The following WDFY4 variants were observed in gnomAD, a reference collection of about 807,000 sequenced individuals.
WDFY4 encodes WDFY family member 4.
WDFY4 carries 169 observed loss-of-function variants against 351.9 expected under a neutral mutation model. The observed-to-expected ratio is 0.48, with a 90% CI of 0.42 to 0.55. The LOEUF is 0.55. Among genes scored for constraint, WDFY4 ranks in the 20% least tolerant of loss-of-function variants. WDFY4 has a pLI of 0.00. For missense variants in WDFY4, 3,803 were observed against 3,935.6 expected (o/e 0.97, Z 0.90); for synonymous variants, 1,622 against 1,574.6 (o/e 1.03, Z -0.71).
intron 47 of WDFY4, chr10:48,909,564 G>A (rs1192981040): frequency 1.3e-5 from 2 of 152,142 alleles, no homozygotes; most frequent in African/African-American, 4.8e-5. Flanking sequence ...TGAGGGCTTT[G>A]GGGTATAGGT....
At chr10:48,720,899 A>G (rs1421973885) in intron 3 of WDFY4, among the ~76,000 whole-genome samples, 1 of 152,190 alleles carries the variant, frequency 6.6e-6, no homozygotes, top group Non-Finnish European at 1.5e-5. Flanking sequence ...ATTGCTCAGC[A>G]TGGTGTAGAT....
At chr10:48,916,869 ATATGTGTG>A (rs1564483306) in intron 47 of WDFY4, among the ~76,000 whole-genome samples, 2 of 102,958 alleles carry the variant, frequency 1.9e-5, no homozygotes, top group Non-Finnish European at 4.0e-5. Context: ...TGCTTTAAAA[ATATGTGTG>A]TGTGTGTGTG....
chr10:48,951,021 C>G (rs1322257895), intron 51 of WDFY4, among the ~76,000 whole-genome samples: 9 of 152,234 alleles, frequency 5.9e-5, no homozygotes, highest in Admixed American at 5.9e-4. Flanking sequence ...GGCCCATTTA[C>G]CCTGCACTGT....
intron 14 of WDFY4, among the ~76,000 whole-genome samples, chr10:48,775,128 C>A (rs1222489930): frequency 6.6e-6 from 1 of 152,166 alleles, no homozygotes; most frequent in African/African-American, 2.4e-5. Context: ...TCAGCCTCTA[C>A]ATGAAGCCAC....
chr10:48,961,531 G>A (rs1841860132), intron 53 of WDFY4, among the ~76,000 whole-genome samples: 1 of 152,228 alleles, frequency 6.6e-6, no homozygotes, highest in Non-Finnish European at 1.5e-5. Context: ...TTGAATGAGT[G>A]CTTTAGAAGA....
intron 12 of WDFY4, among the ~76,000 whole-genome samples, chr10:48,747,821 A>G (rs912893521): frequency 6.6e-6 from 1 of 152,190 alleles, no homozygotes; most frequent in Non-Finnish European, 1.5e-5. Context: ...TGTTTCTGTG[A>G]CAATCATGGA....
chr10:48,690,200 C>CATCCAGTT (rs754042863), intron 1 of WDFY4, among the ~76,000 whole-genome samples: 1 of 152,172 alleles, frequency 6.6e-6, no homozygotes, highest in Non-Finnish European at 1.5e-5. Context: ...ACAATCTGAG[C>CATCCAGTT]ATCCAGTTAT....
At chr10:48,848,081 C>G (rs1268827448) in intron 39 of WDFY4, among the ~76,000 whole-genome samples, 2 of 152,168 alleles carry the variant, frequency 1.3e-5, no homozygotes, top group Non-Finnish European at 2.9e-5. Context: ...AGAAAAGAGC[C>G]TTTTCTGGCC....
chr10:48,805,514 C>T, intron 26 of WDFY4, 93 bp downstream of exon 26: 1 of 1,437,760 alleles, frequency 7.0e-7, no homozygotes. Context: ...TTGTGCTCAA[C>T]CCTGAATCAC....
intron 39 of WDFY4, among the ~76,000 whole-genome samples, chr10:48,862,722 T>G (rs2069387299): frequency 6.6e-6 from 1 of 152,202 alleles, no homozygotes; most frequent in African/African-American, 2.4e-5. Context: ...ATGGAAAAAT[T>G]GTCTTCCACA....
At chr10:48,848,581 C>T (rs141048873) in intron 39 of WDFY4, among the ~76,000 whole-genome samples, 6 of 152,104 alleles carry the variant, frequency 3.9e-5, no homozygotes, top group African/African-American at 1.4e-4. Context: ...CAGGGGGTGA[C>T]CAGCTGTGGC....
At chr10:48,811,790 C>A in intron 30 of WDFY4, 82 bp downstream of exon 30, 2 of 1,371,356 alleles carry the variant, frequency 1.5e-6, no homozygotes, top group Non-Finnish European at 1.0e-6. Flanking sequence ...AGACCCTCTG[C>A]ACTTACCTCC....
intron 2 of WDFY4, among the ~76,000 whole-genome samples, chr10:48,719,769 T>C (rs996480986): frequency 6.6e-6 from 1 of 152,056 alleles, no homozygotes; most frequent in Non-Finnish European, 1.5e-5. Flanking sequence ...CTGGGCTCTG[T>C]GTGTTTGACA....
chr10:48,839,117 T>C (rs2068510115), intron 39 of WDFY4, among the ~76,000 whole-genome samples: 1 of 152,140 alleles, frequency 6.6e-6, no homozygotes, highest in Non-Finnish European at 1.5e-5. Context: ...TTCACTTCCC[T>C]GGGATAAAAA....
At chr10:48,805,680 T>C (rs2067229735) in intron 26 of WDFY4, among the ~76,000 whole-genome samples, 1 of 152,158 alleles carries the variant, frequency 6.6e-6, no homozygotes, top group Non-Finnish European at 1.5e-5. Context: ...TTCAGGAATT[T>C]CCATAAGCAC....
chr10:48,900,768 C>T (rs1454326898), intron 46 of WDFY4, among the ~76,000 whole-genome samples: 1 of 152,194 alleles, frequency 6.6e-6, no homozygotes, highest in Non-Finnish European at 1.5e-5. Flanking sequence ...CCCACATGTG[C>T]ACTGAACATG....
At chr10:48,692,120 T>TAGCA (rs1398838123) in intron 1 of WDFY4, among the ~76,000 whole-genome samples, 3 of 152,242 alleles carry the variant, frequency 2.0e-5, no homozygotes, top group Non-Finnish European at 4.4e-5. Context: ...AATGTATGCA[T>TAGCA]AGCAGCTCCA....
intron 15 of WDFY4, 80 bp downstream of exon 15, chr10:48,775,886 C>A: frequency 1.5e-6 from 2 of 1,321,348 alleles, no homozygotes; most frequent in Non-Finnish European, 2.1e-6. Context: ...TCCTTTACAA[C>A]AGGTGGGAAA....
chr10:48,720,199 G>T, intron 3 of WDFY4, 74 bp downstream of exon 3: 1 of 1,436,678 alleles, frequency 7.0e-7, no homozygotes, highest in South Asian at 1.3e-5. Flanking sequence ...AGGCCTCTCA[G>T]GCCCCCCTCT....
Sources: allele counts gnomAD v4.1 joint callset (sites outside exome capture counted in the v4.1 genomes callset), GRCh38; gene constraint gnomAD v4.1.1; transcripts MANE v1.5; gene names NCBI Gene and HGNC (gene_info 2026-07-23, HGNC 2026-07-21).